SAMMSON: variants seen among roughly 807,000 people sequenced by gnomAD.
SAMMSON encodes the protein long intergenic non-protein coding RNA 1212.
At chr3:70,289,747 G>C (rs1201658825) in intron 6 of SAMMSON, among the ~76,000 whole-genome samples, 36 of 151,920 alleles carry the variant, frequency 2.4e-4, no homozygotes, top group African/African-American at 8.5e-4. Context: ...TTCTTGGAGG[G>C]TTTGCTCGTT....
chr3:70,168,626 T>C (rs890239623), intron 4 of SAMMSON, among the ~76,000 whole-genome samples: 1 of 151,984 alleles, frequency 6.6e-6, no homozygotes, highest in Non-Finnish European at 1.5e-5. Flanking sequence ...CTGTTAGGCA[T>C]AGAATTGGTA....
At chr3:70,012,765 GC>G (rs2066963331) in intron 2 of SAMMSON, among the ~76,000 whole-genome samples, 1 of 152,162 alleles carries the variant, frequency 6.6e-6, no homozygotes, top group Non-Finnish European at 1.5e-5. Flanking sequence ...TGTAGAAGGT[GC>G]AACTTTGAGT....
chr3:70,126,736 G>T (rs1276551933), intron 4 of SAMMSON: 1 of 254,696 alleles, frequency 3.9e-6, no homozygotes, highest in Non-Finnish European at 7.6e-6. Flanking sequence ...TTTTTTTTGA[G>T]ATGGAATCTT....
intron 3 of SAMMSON, among the ~76,000 whole-genome samples, chr3:70,027,818 G>A (rs2067047027): frequency 6.6e-6 from 1 of 152,158 alleles, no homozygotes; most frequent in Non-Finnish European, 1.5e-5. Context: ...CTTAAATGAT[G>A]GTGCTGTCTA....
chr3:70,029,280 C>A (rs1398336158), intron 3 of SAMMSON, among the ~76,000 whole-genome samples: 1 of 152,044 alleles, frequency 6.6e-6, no homozygotes, highest in Non-Finnish European at 1.5e-5. Flanking sequence ...GATGTCATAT[C>A]AAATTTTAAA....
intron 1 of SAMMSON, among the ~76,000 whole-genome samples, chr3:70,007,045 C>A (rs996052911): frequency 6.6e-6 from 1 of 152,150 alleles, no homozygotes; most frequent in East Asian, 1.9e-4. Flanking sequence ...TCCAGTCTAT[C>A]ATTGTTGGAC....
At chr3:70,119,151 C>A (rs1457116872) in intron 4 of SAMMSON, among the ~76,000 whole-genome samples, 4 of 152,154 alleles carry the variant, frequency 2.6e-5, no homozygotes, top group African/African-American at 9.7e-5. Flanking sequence ...ACTGCAACGT[C>A]CACCTCTTGG....
intron 6 of SAMMSON, among the ~76,000 whole-genome samples, chr3:70,260,122 C>T (rs1701851851): frequency 6.6e-6 from 1 of 152,148 alleles, no homozygotes; most frequent in Non-Finnish European, 1.5e-5. Context: ...GTTCTAAAGG[C>T]TAGAATCTGA....
chr3:70,062,525 T>C (rs1437379575), intron 3 of SAMMSON, among the ~76,000 whole-genome samples: 1 of 152,112 alleles, frequency 6.6e-6, no homozygotes, highest in Admixed American at 6.5e-5. Context: ...AGGCACATAG[T>C]GGATGCTCAG....
At chr3:70,069,615 G>A (rs758958153) in intron 3 of SAMMSON, 4 of 152,096 alleles carry the variant, frequency 2.6e-5, no homozygotes, top group African/African-American at 7.2e-5. Flanking sequence ...GTGTGGTTCT[G>A]GATACTCACA....
chr3:70,383,064 G>C (rs1281832369), intron 9 of SAMMSON, among the ~76,000 whole-genome samples: 2 of 151,960 alleles, frequency 1.3e-5, no homozygotes, highest in Non-Finnish European at 2.9e-5. Context: ...TGCTCTCATA[G>C]GTAACTTCCC....
chr3:70,042,809 G>C (rs1282988120), intron 3 of SAMMSON, among the ~76,000 whole-genome samples: 1 of 152,054 alleles, frequency 6.6e-6, no homozygotes, highest in Non-Finnish European at 1.5e-5. Flanking sequence ...TGATATGAAA[G>C]GTTAATTCAG....
chr3:70,243,943 A>C (rs1450392677), intron 4 of SAMMSON, among the ~76,000 whole-genome samples: 1 of 152,136 alleles, frequency 6.6e-6, no homozygotes, highest in Non-Finnish European at 1.5e-5. Context: ...GGTAAGGGTC[A>C]CCTTTTAACT....
intron 3 of SAMMSON, among the ~76,000 whole-genome samples, chr3:70,022,721 T>C (rs1403269603): frequency 6.6e-6 from 1 of 152,200 alleles, no homozygotes; most frequent in African/African-American, 2.4e-5. Flanking sequence ...CATTAAATAA[T>C]TCACTGATTC....
At chr3:70,070,138 AT>A (rs2067224457) in intron 3 of SAMMSON, 1 of 152,090 alleles carries the variant, frequency 6.6e-6, no homozygotes, top group South Asian at 2.1e-4. Flanking sequence ...TTCTTAAAAA[AT>A]CTTTTATTTT....
intron 4 of SAMMSON, among the ~76,000 whole-genome samples, chr3:70,224,375 C>T (rs952041819): frequency 1.3e-5 from 2 of 152,150 alleles, no homozygotes; most frequent in African/African-American, 4.8e-5. Context: ...GGCTGAGCTG[C>T]TTTATTTCAT....
chr3:70,129,304 T>TA (rs919289869), intron 4 of SAMMSON, among the ~76,000 whole-genome samples: 5 of 152,246 alleles, frequency 3.3e-5, no homozygotes, highest in African/African-American at 4.8e-5. Context: ...CTTTTTGACA[T>TA]ATATCATTTC....
intron 1 of SAMMSON, among the ~76,000 whole-genome samples, chr3:70,007,156 T>C (rs2107575360): frequency 6.6e-6 from 1 of 152,296 alleles, no homozygotes; most frequent in Middle Eastern, 3.4e-3. Context: ...CCTTTGGGTA[T>C]ATACCCAGTA....
chr3:70,339,625 T>G (rs928392197), intron 7 of SAMMSON, among the ~76,000 whole-genome samples: 1 of 152,188 alleles, frequency 6.6e-6, no homozygotes, highest in African/African-American at 2.4e-5. Flanking sequence ...AAAGAAGACA[T>G]TTATGCAGCC....
Sources: allele counts gnomAD v4.1 joint callset (sites outside exome capture counted in the v4.1 genomes callset), GRCh38; gene constraint gnomAD v4.1.1; transcripts MANE v1.5; gene names NCBI Gene and HGNC (gene_info 2026-07-23, HGNC 2026-07-21).